The following GRIA2 variants were observed in gnomAD, a reference collection of about 807,000 sequenced individuals.
The protein encoded by GRIA2 is glutamate receptor 2.
Under a neutral mutation model 97.3 loss-of-function variants are expected in GRIA2, and 14 were observed. The observed-to-expected ratio is 0.14, with a 90% CI of 0.10 to 0.23. GRIA2 has a LOEUF of 0.23. GRIA2 is among the 10% of genes least tolerant of loss of function. The pLI, the probability that GRIA2 is intolerant of heterozygous loss-of-function variation, is 1.00. For missense variants in GRIA2, 558 were observed against 1,069.8 expected (o/e 0.52, Z 6.67); for synonymous variants, 412 against 387.8 (o/e 1.06, Z -0.73).
intron 2 of GRIA2, among the ~76,000 whole-genome samples, chr4:157,295,788 ATTCCC>A (rs1344345368): frequency 6.6e-6 from 1 of 152,092 alleles, no homozygotes; most frequent in Non-Finnish European, 1.5e-5. Context: ...TATTTTTATG[ATTCCC>A]CCCAATTTTT....
chr4:157,235,517 G>A (rs539022044), intron 2 of GRIA2, among the ~76,000 whole-genome samples: 3 of 151,828 alleles, frequency 2.0e-5, no homozygotes, highest in Non-Finnish European at 2.9e-5. Context: ...AAGCAGAAAT[G>A]GTAATTCAAA....
chr4:157,252,842 T>G (rs2126745813), intron 2 of GRIA2, among the ~76,000 whole-genome samples: 1 of 152,222 alleles, frequency 6.6e-6, no homozygotes, highest in East Asian at 1.9e-4. Flanking sequence ...TATCCACAAT[T>G]ACCTGAAAAG....
chr4:157,336,821 C>G, intron 11 of GRIA2, 74 bp downstream of exon 11: 1 of 1,409,334 alleles, frequency 7.1e-7, no homozygotes, highest in Non-Finnish European at 9.7e-7. Flanking sequence ...ATGGATTCAC[C>G]CTAAAGAAGT....
At chr4:157,273,813 A>G (rs994919755) in intron 2 of GRIA2, among the ~76,000 whole-genome samples, 4 of 152,080 alleles carry the variant, frequency 2.6e-5, no homozygotes, top group African/African-American at 9.7e-5. Flanking sequence ...CAGAACTAAT[A>G]ATGACTGAGA....
chr4:157,241,991 G>A (rs1372765596), intron 2 of GRIA2, among the ~76,000 whole-genome samples: 4 of 152,100 alleles, frequency 2.6e-5, no homozygotes, highest in African/African-American at 7.2e-5. Context: ...GTCCTCTCTC[G>A]TATTTAATTA....
chr4:157,272,142 C>G (rs1482591858), intron 2 of GRIA2, among the ~76,000 whole-genome samples: 2 of 151,802 alleles, frequency 1.3e-5, no homozygotes, highest in African/African-American at 4.8e-5. Flanking sequence ...TCAAAGCAAC[C>G]CTATGAAGTA....
chr4:157,278,045 A>T (rs1732427162), intron 2 of GRIA2, among the ~76,000 whole-genome samples: 1 of 151,458 alleles, frequency 6.6e-6, no homozygotes, highest in Non-Finnish European at 1.5e-5. Flanking sequence ...AGTTCATCCC[A>T]ACTTGATTTA....
intron 6 of GRIA2, among the ~76,000 whole-genome samples, chr4:157,328,586 T>C (rs183897832): frequency 1.3e-5 from 2 of 152,168 alleles, no homozygotes; most frequent in Admixed American, 6.6e-5. Flanking sequence ...AAAGATCTGC[T>C]TCTAAGGAAG....
chr4:157,268,030 T>G, intron 2 of GRIA2, among the ~76,000 whole-genome samples: 1 of 152,204 alleles, frequency 6.6e-6, no homozygotes, highest in Middle Eastern at 3.4e-3. Flanking sequence ...AAGAGAGATT[T>G]AGGGCAATCA....
At chr4:157,288,944 T>G (rs902718762) in intron 2 of GRIA2, among the ~76,000 whole-genome samples, 2 of 151,844 alleles carry the variant, frequency 1.3e-5, no homozygotes, top group East Asian at 3.9e-4. Context: ...AATTGAGCCT[T>G]GCTTATTTTG....
chr4:157,355,951 T>TTATGTATATA (rs1736306723), intron 12 of GRIA2, among the ~76,000 whole-genome samples: 1 of 68,104 alleles, frequency 1.5e-5, no homozygotes, highest in African/African-American at 7.5e-5. Context: ...TAATATATAT[T>TTATGTATATA]TATATATTTA....
chr4:157,317,633 AT>A, intron 4 of GRIA2, 24 bp from the exon 5 acceptor site: 1 of 851,222 alleles, frequency 1.2e-6, no homozygotes, highest in Non-Finnish European at 1.9e-6. Context: ...TATTAATTAA[AT>A]AATTACTTAT....
chr4:157,270,794 G>T (rs1731986523), intron 2 of GRIA2, among the ~76,000 whole-genome samples: 1 of 152,064 alleles, frequency 6.6e-6, no homozygotes, highest in Non-Finnish European at 1.5e-5. Context: ...GCGAAGCATT[G>T]AGGTTAATCT....
At chr4:157,287,455 G>T (rs994467939) in intron 2 of GRIA2, among the ~76,000 whole-genome samples, 36 of 151,656 alleles carry the variant, frequency 2.4e-4, no homozygotes, top group Middle Eastern at 3.4e-3. Context: ...GCTTACAGTT[G>T]GGTCTCATTA....
chr4:157,309,092 G>T (rs1733961354), intron 3 of GRIA2, among the ~76,000 whole-genome samples: 1 of 152,060 alleles, frequency 6.6e-6, no homozygotes, highest in African/African-American at 2.4e-5. Context: ...GCAATCACTT[G>T]TGAATTACTT....
At position 157,244,041 on chromosome 4, in the gene GRIA2, G is replaced by A. The variant is rs1730623572; in HGVS notation, c.229+22234G>A. ...AGACAATATGTTAGGTAGGCTGAGTGAGGAAGGTCTGTTATTTAAGGAGGT... is the reference window on the plus strand; with the variant it reads ...AGACAATATGTTAGGTAGGCTGAGTAAGGAAGGTCTGTTATTTAAGGAGGT... On this transcript the variant is annotated intron_variant, in intron 2 of 15. Coordinates refer to ENST00000264426, the MANE Select transcript of GRIA2 (RefSeq NM_001083619.3). Among the ~76,000 whole-genome samples the A allele has an allele frequency of 1.3e-5, 2 of 152,062 alleles. 1 individual carries two copies. The highest frequency in any genetic ancestry group is 4.1e-4 in the South Asian group (2 of 4,830).
intron 2 of GRIA2, among the ~76,000 whole-genome samples, chr4:157,246,012 AC>A (rs1730716368): frequency 1.3e-5 from 2 of 152,038 alleles, no homozygotes; most frequent in Admixed American, 6.6e-5. Flanking sequence ...GATAAAAAAA[AC>A]AAACTGAAAC....
At chr4:157,288,147 G>A (rs978120598) in intron 2 of GRIA2, among the ~76,000 whole-genome samples, 1 of 151,594 alleles carries the variant, frequency 6.6e-6, no homozygotes, top group African/African-American at 2.4e-5. Flanking sequence ...TTTAGTATAA[G>A]CAGAATCACA....
intron 2 of GRIA2, among the ~76,000 whole-genome samples, chr4:157,286,711 A>G (rs1311959172): frequency 6.6e-6 from 1 of 151,456 alleles, no homozygotes; most frequent in Non-Finnish European, 1.5e-5. Context: ...GGTATTTTAG[A>G]AGGCATTTTT....
Sources: allele counts gnomAD v4.1 joint callset (sites outside exome capture counted in the v4.1 genomes callset), GRCh38; gene constraint gnomAD v4.1.1; transcripts MANE v1.5; gene names NCBI Gene and HGNC (gene_info 2026-07-23, HGNC 2026-07-21).